Variants in DNAH12 observed in about 807,000 individuals in gnomAD.
DNAH12 encodes axonemal beta dynein heavy chain 12.
Under a neutral mutation model 371.5 loss-of-function variants are expected in DNAH12, and 285 were observed. The observed-to-expected ratio is 0.77, with a 90% CI of 0.70 to 0.85. The LOEUF is 0.85. Ranked by LOEUF, DNAH12 falls within the 40% of genes least tolerant of loss-of-function variation. The pLI is 0.00. For missense variants in DNAH12, 3,611 were observed against 3,689.4 expected, an observed-to-expected ratio of 0.98 and a Z score of 0.55; for synonymous variants, 1,200 against 1,213.0, an observed-to-expected ratio of 0.99 and a Z score of 0.22.
At chr3:57,535,603 C>T (rs1321446785) in intron 2 of DNAH12, among the ~76,000 whole-genome samples, 1 of 152,190 alleles carries the variant, frequency 6.6e-6, no homozygotes, top group Non-Finnish European at 1.5e-5. Flanking sequence ...AGTGCAATGG[C>T]ATGATCTCGG....
intron 2 of DNAH12, among the ~76,000 whole-genome samples, chr3:57,531,464 A>AAT (rs2068844096): frequency 6.6e-6 from 1 of 152,028 alleles, no homozygotes; most frequent in South Asian, 2.1e-4. Flanking sequence ...GAGTTTGATT[A>AAT]TTAAATGCCT....
intron 49 of DNAH12, among the ~76,000 whole-genome samples, chr3:57,382,835 T>C (rs2063422677): frequency 6.6e-6 from 1 of 152,254 alleles, no homozygotes. Flanking sequence ...TAAAAAGGTA[T>C]ATATTGTTAT....
At chr3:57,511,527 T>C (rs1056254203) in intron 4 of DNAH12, among the ~76,000 whole-genome samples, 1 of 152,240 alleles carries the variant, frequency 6.6e-6, no homozygotes, top group African/African-American at 2.4e-5. Context: ...TTCCCAAAAT[T>C]GATTTAACAC....
chr3:57,525,761 T>TTTC (rs2068626221), intron 2 of DNAH12, among the ~76,000 whole-genome samples: 1 of 120,228 alleles, frequency 8.3e-6, no homozygotes, highest in Admixed American at 8.3e-5. Context: ...TTATTCTTTT[T>TTTC]TTTTTTTTTT....
chr3:57,359,230 T>C (rs1216451405), intron 58 of DNAH12, among the ~76,000 whole-genome samples: 1 of 152,308 alleles, frequency 6.6e-6, no homozygotes, highest in African/African-American at 2.4e-5. Context: ...TTACCATTAG[T>C]GTTCTAAAAT....
chr3:57,442,620 T>C (rs1435294102), intron 29 of DNAH12, among the ~76,000 whole-genome samples: 1 of 152,138 alleles, frequency 6.6e-6, no homozygotes, highest in African/African-American at 2.4e-5. Context: ...AAAAGCAAGA[T>C]GGCAATTTAG....
chr3:57,414,137 T>C (rs1553683954), intron 38 of DNAH12, among the ~76,000 whole-genome samples: 2 of 139,062 alleles, frequency 1.4e-5, no homozygotes, highest in Admixed American at 7.4e-5. Context: ...AGGGAAATCA[T>C]ACCAAGCAGC....
chr3:57,433,711 T>C lies in DNAH12; in HGVS notation c.4773A>G (p.Arg1591=). ...TAGTAATAGATTTGGGGTTTACAGTTCTATAAATGACCTTTTCTTCCTCTC... is the reference window on the plus strand; with the variant it reads ...TAGTAATAGATTTGGGGTTTACAGTCCTATAAATGACCTTTTCTTCCTCTC... ...GYGEEEKVIY[R]TVNPKSITMG... The change falls in exon 31 of 74, where the codon AGA becomes AGG. Residue 1591 remains arginine, a synonymous_variant. Transcript: ENST00000495027. 1 of 1,551,430 alleles carries C rather than the reference T, an allele frequency of 6.4e-7. No individual in the cohort carries two copies. The highest frequency in any genetic ancestry group is 2.0e-5 in the Admixed American group (1 of 50,986).
intron 45 of DNAH12, among the ~76,000 whole-genome samples, chr3:57,389,820 G>GTGTGTATATATATATATA (rs2063573600): frequency 2.8e-5 from 2 of 72,718 alleles, no homozygotes; most frequent in African/African-American, 7.5e-5. Flanking sequence ...GTGTGTGTGT[G>GTGTGTATATATATATATA]TGTATATATA....
At chr3:57,536,167 G>C (rs73082414) in intron 2 of DNAH12, 1 of 148,330 alleles carries the variant, frequency 6.7e-6, no homozygotes, top group African/African-American at 2.4e-5. Context: ...TATCCAGTCT[G>C]TAGTATTCAG....
chr3:57,548,503 G>A (rs892471041), upstream of DNAH12, among the ~76,000 whole-genome samples: 2 of 152,300 alleles, frequency 1.3e-5, no homozygotes, highest in East Asian at 3.9e-4. Flanking sequence ...GAGCCCTGGA[G>A]TTTGAGATCA....
At chr3:57,401,563 C>CA (rs71294714) in intron 43 of DNAH12, among the ~76,000 whole-genome samples, 11,584 of 67,678 alleles carry the variant, frequency 0.17, 1,011 homozygotes, top group South Asian at 0.22. Context: ...GACTCCATCT[C>CA]AAAAAAAAAA....
chr3:57,295,484 C>G (rs751529133), intron 73 of DNAH12, 41 bp downstream of exon 73: 2 of 1,519,616 alleles, frequency 1.3e-6, no homozygotes, highest in African/African-American at 2.8e-5. Context: ...CATCCTTATT[C>G]TCCCTAAACT....
intron 70 of DNAH12, among the ~76,000 whole-genome samples, chr3:57,301,066 G>A (rs544784355): frequency 6.6e-6 from 1 of 152,084 alleles, no homozygotes; most frequent in East Asian, 1.9e-4. Flanking sequence ...AAGGTGGGAG[G>A]ATTGCTTGAG....
intron 34 of DNAH12, among the ~76,000 whole-genome samples, chr3:57,426,116 G>C (rs1427785046): frequency 2.0e-5 from 3 of 152,118 alleles, no homozygotes; most frequent in Non-Finnish European, 4.4e-5. Flanking sequence ...GGATATTCAA[G>C]GCAGGGGAAT....
chr3:57,310,863 C>G lies in DNAH12; in HGVS notation c.10750G>C (p.Asp3584His). Reference protein sequence around the residue: ...ECNYGGRVTDDWDRRLLLTML... With the variant: ...ECNYGGRVTDHWDRRLLLTML... ...GTTAATAGAAGACGTCTGTCCCAAT[C>G]GTCTGTCACTCTTCCTCCATAATTA... Residue 3584 changes from aspartate to histidine, a missense_variant, in exon 67 of 74, where the codon GAT becomes CAT. Transcript: ENST00000495027. 6.4e-7 allele frequency: 1 copy of G among 1,551,534 alleles called. No individual in the cohort carries two copies. The highest frequency in any genetic ancestry group is 8.7e-7 in the Non-Finnish European group (1 of 1,146,912).
In DNAH12 at chr3:57,461,524, A is replaced by G. The variant is rs1167475025; in HGVS notation, c.2701T>C (p.Ser901Pro). Residue 901 changes from serine (S) to proline (P), a missense_variant, in exon 19 of 74, where the codon TCA becomes CCA. Physicochemically the swap from Ser to Pro is moderately conservative, Grantham distance 74. Transcript: ENST00000495027. ...TGTTCAAATGGTTTGATGAAAGGTGAGCCTCTCATTGTCTGAGTTTTTATA... is the reference window on the plus strand; with the variant it reads ...TGTTCAAATGGTTTGATGAAAGGTGGGCCTCTCATTGTCTGAGTTTTTATA... ...QIIKTQTMRG[S>P]PFIKPFEHEI... The G allele has an allele frequency of 1.9e-6, 3 of 1,551,378 alleles. No homozygotes were observed. The highest frequency in any genetic ancestry group is 2.6e-6 in the Non-Finnish European group (3 of 1,146,838).
chr3:57,461,531 C>T lies in DNAH12; in HGVS notation c.2694G>A (p.Met898Ile), dbSNP rs550410869. Residue 898 changes from methionine to isoleucine, a missense_variant, in exon 19 of 74, where the codon ATG becomes ATA. This residue lies in a region of DNAH12 where 1,314 missense variants were observed against 1,398.7 expected (regional missense o/e 0.94). Transcript: ENST00000495027. The part of the protein sequence containing the change: ...LDDQIIKTQT[M>I]RGSPFIKPFE... ...ATGGTTTGATGAAAGGTGAGCCTCT[C>T]ATTGTCTGAGTTTTTATAATTTGAT... 5.8e-6 allele frequency: 9 copies of T among 1,551,174 alleles called. No homozygotes were observed. The highest frequency in any genetic ancestry group is 3.9e-5 in the Admixed American group (2 of 50,970).
At chr3:57,406,017 G>A in intron 40 of DNAH12, 65 bp from the exon 41 acceptor site, 1 of 1,427,186 alleles carries the variant, frequency 7.0e-7, no homozygotes, top group Non-Finnish European at 9.4e-7. Flanking sequence ...CATGTAACCA[G>A]TGGAATGTTA....
Sources: allele counts gnomAD v4.1 joint callset (sites outside exome capture counted in the v4.1 genomes callset), GRCh38; gene constraint gnomAD v4.1.1; regional missense constraint gnomAD v4.1.1; transcripts MANE v1.5; gene names NCBI Gene and HGNC (gene_info 2026-07-23, HGNC 2026-07-21).